The following CERS6 variants were observed in gnomAD, a reference collection of about 807,000 sequenced individuals.
CERS6 encodes LAG1 homolog, ceramide synthase 6.
CERS6 carries 26 observed loss-of-function variants against 56.8 expected under a neutral mutation model. The ratio of observed to expected loss-of-function variants is 0.46; its 90% CI spans 0.34 to 0.63. CERS6 has a LOEUF of 0.63. CERS6 is among the 30% of genes least tolerant of loss of function. The pLI, the probability that CERS6 is intolerant of heterozygous loss-of-function variation, is 0.01. For missense variants in CERS6, 415 were observed against 467.5 expected (o/e 0.89, Z 1.04); for synonymous variants, 164 against 173.3 (o/e 0.95, Z 0.42).
chr2:168,586,227 A>G (rs1453071198), intron 3 of CERS6, among the ~76,000 whole-genome samples: 1 of 151,456 alleles, frequency 6.6e-6, no homozygotes, highest in African/African-American at 2.4e-5. Context: ...AAAAAAAAAA[A>G]GGAAAAAGGA....
rs73969224 is a variant in CERS6 at position 168,467,860 on chromosome 2, G to A, written c.170+11242G>A. Reference sequence around the variant, plus strand: ...TTGATTTTCTAAAATAAAATAAATGGGTATATGTGTGGGGGGGCCCAAGGA... The same window carrying A: ...TTGATTTTCTAAAATAAAATAAATGAGTATATGTGTGGGGGGGCCCAAGGA... On this transcript the variant is annotated intron_variant, in intron 1 of 9. Transcript: ENST00000305747. Among the ~76,000 whole-genome samples, 231 of 152,224 alleles carry A rather than the reference G, an allele frequency of 1.5e-3. 1 individual carries two copies. Among genetic ancestry groups the A allele is most frequent in the African/African-American group, 5.4e-3 (223 of 41,532 alleles).
chr2:168,656,992 A>G (rs1292935892), intron 4 of CERS6, among the ~76,000 whole-genome samples: 1 of 152,220 alleles, frequency 6.6e-6, no homozygotes, highest in African/African-American at 2.4e-5. Flanking sequence ...TGGTGCAGTC[A>G]CAAACCTTGA....
At chr2:168,691,931 G>A (rs1200885616) in intron 5 of CERS6, among the ~76,000 whole-genome samples, 1 of 152,170 alleles carries the variant, frequency 6.6e-6, no homozygotes, top group Non-Finnish European at 1.5e-5. Flanking sequence ...TGTCTGTTGA[G>A]GTGTTTGGTC....
chr2:168,563,087 T>C (rs1035328290), intron 3 of CERS6, among the ~76,000 whole-genome samples: 2 of 152,140 alleles, frequency 1.3e-5, no homozygotes, highest in African/African-American at 4.8e-5. Context: ...AATACTATTG[T>C]ATTTGAGATT....
chr2:168,621,451 C>T (rs1312437249), intron 3 of CERS6, among the ~76,000 whole-genome samples: 1 of 152,096 alleles, frequency 6.6e-6, no homozygotes, highest in Non-Finnish European at 1.5e-5. Context: ...TTTAAGCTGA[C>T]AATTATAAGA....
intron 8 of CERS6, among the ~76,000 whole-genome samples, chr2:168,729,886 G>A (rs956068388): frequency 6.6e-6 from 1 of 152,138 alleles, no homozygotes; most frequent in African/African-American, 2.4e-5. Flanking sequence ...CTTATCACAC[G>A]TTACTGTGAG....
At chr2:168,762,221 A>C (rs1361543748) in intron 8 of CERS6, among the ~76,000 whole-genome samples, 1 of 152,212 alleles carries the variant, frequency 6.6e-6, no homozygotes, top group Admixed American at 6.5e-5. Context: ...AATAAGAATG[A>C]AAACTAATTT....
In CERS6 at chr2:168,630,977, T is replaced by A; in HGVS notation, c.408-8T>A. ...GAATGTCACAGATTTTTTTTTAACC[T>A]TCTACAGGTGGAGATTTTCATTTTA... is the stretch of plus-strand genomic sequence containing the variant. On this transcript the variant is annotated splice_region_variant and splice_polypyrimidine_tract_variant and intron_variant, in intron 3 of 9. Transcript: ENST00000305747. 6.9e-7 allele frequency: 1 copy of A among 1,449,462 alleles called. No individual in the cohort carries two copies. Among genetic ancestry groups the A allele is most frequent in the Non-Finnish European group, 9.5e-7 (1 of 1,052,128 alleles). The allele number at this position is 1,449,462 out of a possible 1,614,324, so 89.8% of individuals were successfully genotyped here.
chr2:168,483,421 G>C (rs578204064), intron 1 of CERS6, among the ~76,000 whole-genome samples: 2 of 152,138 alleles, frequency 1.3e-5, no homozygotes, highest in African/African-American at 4.8e-5. Flanking sequence ...GCTTTCTTCT[G>C]TGCAAAATGG....
intron 3 of CERS6, among the ~76,000 whole-genome samples, chr2:168,590,009 G>C (rs1484544665): frequency 1.3e-5 from 2 of 152,180 alleles, no homozygotes; most frequent in Non-Finnish European, 2.9e-5. Context: ...GTCCTTGGCT[G>C]CCTGAAATTC....
intron 8 of CERS6, among the ~76,000 whole-genome samples, chr2:168,718,351 G>A (rs2105393716): frequency 6.6e-6 from 1 of 152,284 alleles, no homozygotes; most frequent in Admixed American, 6.5e-5. Flanking sequence ...GTTCACAGAG[G>A]GTTGTCCCTG....
At chr2:168,697,250 G>A (rs1443022210) in intron 6 of CERS6, among the ~76,000 whole-genome samples, 2 of 152,136 alleles carry the variant, frequency 1.3e-5, no homozygotes, top group Non-Finnish European at 1.5e-5. Context: ...GCGAGCTTGG[G>A]CATAACAGAT....
chr2:168,493,715 G>A (rs1276638121), intron 1 of CERS6, among the ~76,000 whole-genome samples: 1 of 151,994 alleles, frequency 6.6e-6, no homozygotes, highest in Non-Finnish European at 1.5e-5. Context: ...GTGAGTACTT[G>A]GTATTAGGTG....
intron 3 of CERS6, 146 bp downstream of exon 3, chr2:168,561,468 C>G (rs2105382056): frequency 1.2e-6 from 1 of 814,674 alleles, no homozygotes; most frequent in African/African-American, 1.7e-5. Context: ...ACACAGGAAA[C>G]AGTAGTTTGT....
chr2:168,728,772 G>A (rs547045364), intron 8 of CERS6, among the ~76,000 whole-genome samples: 6 of 151,776 alleles, frequency 4.0e-5, no homozygotes, highest in Admixed American at 1.3e-4. Flanking sequence ...TTGGGAGGCC[G>A]AGGAGGGCAG....
intron 6 of CERS6, among the ~76,000 whole-genome samples, chr2:168,707,648 G>A (rs891673679): frequency 2.6e-5 from 4 of 152,090 alleles, no homozygotes; most frequent in Admixed American, 6.5e-5. Flanking sequence ...CAAATAATTC[G>A]TGGGAGATTG....
At chr2:168,476,771 G>A (rs563821153) in intron 1 of CERS6, among the ~76,000 whole-genome samples, 44 of 151,798 alleles carry the variant, frequency 2.9e-4, no homozygotes, top group Non-Finnish European at 5.7e-4. Flanking sequence ...CTTTTCCTCT[G>A]TTTTTTTTCT....
At chr2:168,680,850 T>C (rs1385412341) in intron 4 of CERS6, among the ~76,000 whole-genome samples, 1 of 152,256 alleles carries the variant, frequency 6.6e-6, no homozygotes, top group African/African-American at 2.4e-5. Context: ...TTCTGTTCTT[T>C]ACAAGTTAGT....
At position 168,580,305 on chromosome 2, in the gene CERS6, C is replaced by G. The variant is rs549877578; in HGVS notation, c.407+18983C>G. On this transcript the variant is annotated intron_variant, in intron 3 of 9. Coordinates refer to ENST00000305747, the MANE Select transcript of CERS6 (RefSeq NM_203463.3). The stretch of plus-strand genomic sequence containing the variant: ...TGCCTATTTTATGTTCTTTCTCTCC[C>G]TTTTCTTGACTTGATTCCATTTTCC... Among the ~76,000 whole-genome samples, 7 of 152,066 alleles carry G rather than the reference C, an allele frequency of 4.6e-5. No homozygotes were observed. The East Asian group carries it at 1.4e-3, about 29-fold the overall frequency.
Sources: allele counts gnomAD v4.1 joint callset (sites outside exome capture counted in the v4.1 genomes callset), GRCh38; gene constraint gnomAD v4.1.1; transcripts MANE v1.5; gene names NCBI Gene and HGNC (gene_info 2026-07-23, HGNC 2026-07-21).